The following NEGR1 variants were observed in gnomAD, a reference collection of about 807,000 sequenced individuals.
NEGR1 encodes neuronal growth regulator 1.
A neutral mutation model predicts 40.9 loss-of-function variants in NEGR1; 10 were observed. The observed-to-expected ratio is 0.24, with a 90% CI of 0.15 to 0.42. NEGR1 has a LOEUF of 0.42. Among genes scored for constraint, NEGR1 ranks in the 10% least tolerant of loss-of-function variants. The pLI, the probability that NEGR1 is intolerant of heterozygous loss-of-function variation, is 1.00. For synonymous variants in NEGR1, 185 were observed against 166.8 expected, an observed-to-expected ratio of 1.11 and a Z score of -0.84; for missense variants, 352 against 438.9, an observed-to-expected ratio of 0.80 and a Z score of 1.77.
chr1:71,590,253 G>A (rs657021), intron 6 of NEGR1, among the ~76,000 whole-genome samples: 136,131 of 152,118 alleles, frequency 0.89, 62,262 homozygotes, highest in Non-Finnish European at 1. Flanking sequence ...GCCCCAGAAA[G>A]TGAGATAGTC....
intron 1 of NEGR1, among the ~76,000 whole-genome samples, chr1:72,110,434 G>A (rs1013805001): frequency 4.0e-5 from 6 of 151,426 alleles, no homozygotes; most frequent in Non-Finnish European, 7.4e-5. Context: ...TGATAGAAAA[G>A]TAAGAAAGAG....
chr1:71,756,411 C>A (rs4650120), intron 3 of NEGR1, among the ~76,000 whole-genome samples: 678 of 65,676 alleles, frequency 0.01, 9 homozygotes, highest in East Asian at 0.021. Context: ...CAAAAACAAA[C>A]AAAAAAAAAA....
intron 2 of NEGR1, among the ~76,000 whole-genome samples, chr1:71,867,282 G>A (rs1660144223): frequency 6.6e-6 from 1 of 152,206 alleles, no homozygotes; most frequent in South Asian, 2.1e-4. Flanking sequence ...GCTAAGGCAG[G>A]AGAATTGCTT....
intron 1 of NEGR1, among the ~76,000 whole-genome samples, chr1:72,251,996 T>C (rs948468347): frequency 6.6e-6 from 1 of 152,188 alleles, no homozygotes; most frequent in Non-Finnish European, 1.5e-5. Context: ...TTACAAGTAA[T>C]TGACTATATA....
intron 6 of NEGR1, among the ~76,000 whole-genome samples, chr1:71,458,643 T>A (rs1475833863): frequency 6.6e-6 from 1 of 152,144 alleles, no homozygotes; most frequent in Non-Finnish European, 1.5e-5. Flanking sequence ...TGAGTCCAGT[T>A]CCTTTCACAG....
intron 1 of NEGR1, among the ~76,000 whole-genome samples, chr1:71,975,930 G>C (rs1646299099): frequency 6.6e-6 from 1 of 152,320 alleles, no homozygotes; most frequent in South Asian, 2.1e-4. Flanking sequence ...TATTTGGAGA[G>C]AGCAAACTAC....
intron 2 of NEGR1, among the ~76,000 whole-genome samples, chr1:71,791,487 G>C (rs1343587344): frequency 6.6e-6 from 1 of 151,792 alleles, no homozygotes; most frequent in African/African-American, 2.4e-5. Flanking sequence ...ATAAATTATG[G>C]CTTTTTTAAA....
intron 1 of NEGR1, among the ~76,000 whole-genome samples, chr1:72,266,509 T>C (rs1655644637): frequency 6.6e-6 from 1 of 150,858 alleles, no homozygotes; most frequent in Non-Finnish European, 1.5e-5. Flanking sequence ...GGTCTATGGC[T>C]GGGTAGAAGT....
intron 6 of NEGR1, chr1:71,407,823 T>C: frequency 2.5e-6 from 1 of 400,324 alleles, no homozygotes; most frequent in African/African-American, 2.0e-5. Context: ...GTGGTGAGAA[T>C]TGGAGATGAA....
At chr1:71,930,966 G>C (rs1390725584) in intron 2 of NEGR1, among the ~76,000 whole-genome samples, 1 of 152,108 alleles carries the variant, frequency 6.6e-6, no homozygotes, top group Admixed American at 6.5e-5. Flanking sequence ...GCTGCTCTAG[G>C]CAGGGCTTGA....
intron 6 of NEGR1, among the ~76,000 whole-genome samples, chr1:71,426,428 T>G (rs1364521889): frequency 2.0e-5 from 3 of 152,154 alleles, no homozygotes; most frequent in Non-Finnish European, 4.4e-5. Flanking sequence ...AATTGCTCCT[T>G]TAGATTATAA....
At chr1:71,429,623 A>G (rs554155582) in intron 6 of NEGR1, among the ~76,000 whole-genome samples, 1 of 152,280 alleles carries the variant, frequency 6.6e-6, no homozygotes, top group African/African-American at 2.4e-5. Flanking sequence ...AGATCCATCC[A>G]TACCTCATTG....
At chr1:71,601,366 G>C (rs1649914131) in intron 5 of NEGR1, among the ~76,000 whole-genome samples, 1 of 152,186 alleles carries the variant, frequency 6.6e-6, no homozygotes, top group Admixed American at 6.5e-5. Flanking sequence ...GTACATGACT[G>C]GTAGAAATGC....
chr1:71,454,483 T>G (rs1023398248), intron 6 of NEGR1, among the ~76,000 whole-genome samples: 2 of 152,212 alleles, frequency 1.3e-5, no homozygotes, highest in Non-Finnish European at 2.9e-5. Context: ...TGACATTTCT[T>G]TGAAATGCTT....
intron 4 of NEGR1, among the ~76,000 whole-genome samples, chr1:71,671,502 T>A (rs895201634): frequency 6.6e-6 from 1 of 151,956 alleles, no homozygotes; most frequent in African/African-American, 2.4e-5. Context: ...AAAGAGGAAA[T>A]AACAGGAATA....
intron 1 of NEGR1, among the ~76,000 whole-genome samples, chr1:72,226,921 C>G (rs1055569182): frequency 6.6e-6 from 1 of 151,982 alleles, no homozygotes. Context: ...GGAAAAATGA[C>G]CATCCATTCC....
At chr1:71,644,726 T>C (rs988787) in intron 4 of NEGR1, among the ~76,000 whole-genome samples, 4,037 of 152,002 alleles carry the variant, frequency 0.027, 116 homozygotes, top group Admixed American at 0.078. Flanking sequence ...AATATTAAAT[T>C]ACATAACAGC....
intron 2 of NEGR1, among the ~76,000 whole-genome samples, chr1:71,912,195 G>C (rs1661437473): frequency 6.6e-6 from 1 of 152,114 alleles, no homozygotes; most frequent in African/African-American, 2.4e-5. Flanking sequence ...GCTTTCTTTT[G>C]TGGGGACTGT....
rs577131886 is a variant in NEGR1 at position 72,017,087 on chromosome 1, A to T, written c.177-81776T>A. 7.6e-4 allele frequency among the ~76,000 whole-genome samples: 115 copies of T among 151,834 alleles called. 2 individuals are homozygous for T. The highest frequency in any genetic ancestry group is 7.5e-3 in the South Asian group (36 of 4,800). ...GTAATGTAATGTGCATACATATACA[A>T]ATAATATACAAATAATACACACATA... On this transcript the variant is annotated intron_variant, in intron 1 of 6. Coordinates refer to ENST00000357731, the MANE Select transcript of NEGR1 (RefSeq NM_173808.3).
Sources: allele counts gnomAD v4.1 joint callset (sites outside exome capture counted in the v4.1 genomes callset), GRCh38; gene constraint gnomAD v4.1.1; transcripts MANE v1.5; gene names NCBI Gene and HGNC (gene_info 2026-07-23, HGNC 2026-07-21).